The following MAPKAP1 variants were observed in gnomAD, a reference collection of about 807,000 sequenced individuals.
The protein encoded by MAPKAP1 is MAPK associated protein 1, also known as target of rapamycin complex 2 subunit MAPKAP1.
A neutral mutation model predicts 65.7 loss-of-function variants in MAPKAP1; 20 were observed. The ratio of observed to expected loss-of-function variants is 0.30; its 90% CI spans 0.21 to 0.44. The LOEUF (loss-of-function observed/expected upper bound fraction) is 0.44. Ranked by LOEUF, MAPKAP1 falls within the 20% of genes least tolerant of loss-of-function variation. MAPKAP1 has a pLI of 1.00. For missense variants in MAPKAP1, 423 were observed against 648.0 expected (o/e 0.65, Z 3.77); for synonymous variants, 222 against 244.3 (o/e 0.91, Z 0.85).
chr9:125,468,924 T>C (rs754495340), intron 9 of MAPKAP1, among the ~76,000 whole-genome samples: 2 of 152,190 alleles, frequency 1.3e-5, no homozygotes, highest in African/African-American at 2.4e-5. Flanking sequence ...ATGCCAGGTA[T>C]GGGAGGGGCC....
intron 3 of MAPKAP1, among the ~76,000 whole-genome samples, chr9:125,664,597 T>G (rs1161101077): frequency 6.7e-6 from 1 of 149,326 alleles, no homozygotes; most frequent in Admixed American, 6.7e-5. Context: ...TGGTGGCAGA[T>G]GCCTGTAATC....
chr9:125,652,474 T>C (rs1351198807), intron 4 of MAPKAP1, among the ~76,000 whole-genome samples: 4 of 152,174 alleles, frequency 2.6e-5, no homozygotes, highest in Non-Finnish European at 4.4e-5. Context: ...GCCAAGCAAT[T>C]AGCACTCATG....
intron 1 of MAPKAP1, among the ~76,000 whole-genome samples, chr9:125,688,439 G>C (rs1359487576): frequency 6.6e-6 from 1 of 152,154 alleles, no homozygotes; most frequent in Non-Finnish European, 1.5e-5. Flanking sequence ...TGCCCAGCTA[G>C]ACTATCTCAT....
At chr9:125,695,018 T>G (rs1390814363) in intron 1 of MAPKAP1, among the ~76,000 whole-genome samples, 1 of 152,246 alleles carries the variant, frequency 6.6e-6, no homozygotes, top group East Asian at 1.9e-4. Context: ...GTATTTTGAA[T>G]TTTTTATACC....
At chr9:125,698,292 T>A (rs1406543581) in intron 1 of MAPKAP1, among the ~76,000 whole-genome samples, 45 of 3,960 alleles carry the variant, frequency 0.011, no homozygotes, top group Admixed American at 0.024. Flanking sequence ...TATATAAATA[T>A]ATATATATAT....
At chr9:125,483,200 A>G (rs946439692) in intron 9 of MAPKAP1, among the ~76,000 whole-genome samples, 2 of 152,138 alleles carry the variant, frequency 1.3e-5, no homozygotes, top group Non-Finnish European at 2.9e-5. Flanking sequence ...CATTGGTACT[A>G]CTGATATTCC....
chr9:125,643,082 T>A (rs1227912045), intron 4 of MAPKAP1, among the ~76,000 whole-genome samples: 1 of 151,906 alleles, frequency 6.6e-6, no homozygotes, highest in Non-Finnish European at 1.5e-5. Context: ...GTATTTTTAG[T>A]AGAGACGGGG....
chr9:125,666,974 T>C (rs1197248463), intron 3 of MAPKAP1, among the ~76,000 whole-genome samples: 2 of 152,134 alleles, frequency 1.3e-5, no homozygotes, highest in African/African-American at 4.8e-5. Context: ...AGTTCAAGCA[T>C]GAACATACAC....
Position 125,614,357 on chromosome 9 carries a change from C to T in MAPKAP1, c.499-28630G>A, listed in dbSNP as rs562804617. ...ATCATATTAAAGCTAGGCGTGATGG[C>T]TCATACTTGTAATCCCAGCACTTTG... is the stretch of plus-strand genomic sequence containing the variant. On this transcript the variant is annotated intron_variant, in intron 4 of 11. Transcript: ENST00000265960. Among the ~76,000 whole-genome samples, 465 of 152,278 alleles carry T rather than the reference C, an allele frequency of 3.1e-3. 2 individuals carry two copies. The highest frequency in any genetic ancestry group is 4.4e-3 in the African/African-American group (182 of 41,566).
intron 4 of MAPKAP1, among the ~76,000 whole-genome samples, chr9:125,634,879 T>G (rs901727654): frequency 6.6e-6 from 1 of 152,092 alleles, no homozygotes; most frequent in Non-Finnish European, 1.5e-5. Flanking sequence ...TTTTTTCAGG[T>G]GAAGACTCTC....
At chr9:125,542,021 T>C (rs891789625) in intron 7 of MAPKAP1, among the ~76,000 whole-genome samples, 6 of 152,198 alleles carry the variant, frequency 3.9e-5, no homozygotes, top group African/African-American at 1.4e-4. Context: ...TTGCAGACGC[T>C]AGCAGGTCTC....
intron 1 of MAPKAP1, among the ~76,000 whole-genome samples, chr9:125,692,551 T>C (rs1272089413): frequency 6.6e-6 from 1 of 152,208 alleles, no homozygotes; most frequent in Non-Finnish European, 1.5e-5. Context: ...GTGACAAAAA[T>C]GTTCTGGAAT....
chr9:125,612,983 C>T (rs1267911334), intron 4 of MAPKAP1, among the ~76,000 whole-genome samples: 1 of 152,208 alleles, frequency 6.6e-6, no homozygotes, highest in Admixed American at 6.5e-5. Flanking sequence ...TAAACAGAGG[C>T]TTGGGCCCTC....
In MAPKAP1 at chr9:125,688,035, G is replaced by C. The variant is rs145027267; in HGVS notation, c.-69-15392C>G. Among the ~76,000 whole-genome samples the C allele has an allele frequency of 3.5e-3, 540 of 152,262 alleles. 3 individuals are homozygous for C. Among genetic ancestry groups the C allele is most frequent in the African/African-American group, 0.012 (512 of 41,544 alleles). The stretch of plus-strand genomic sequence containing the variant: ...TGCTTTGTATTTTCACTTGAATAGA[G>C]CTTTCATAATCTCAATAAATGATAA... On this transcript the variant is annotated intron_variant, in intron 1 of 11. Transcript: ENST00000265960.
intron 1 of MAPKAP1, among the ~76,000 whole-genome samples, chr9:125,688,250 T>C (rs1357978411): frequency 6.6e-6 from 1 of 152,154 alleles, no homozygotes; most frequent in African/African-American, 2.4e-5. Flanking sequence ...GCGATTCTCC[T>C]ACCTCAGCCT....
chr9:125,576,754 C>T (rs1443752406), intron 5 of MAPKAP1, among the ~76,000 whole-genome samples: 2 of 152,250 alleles, frequency 1.3e-5, no homozygotes, highest in African/African-American at 2.4e-5. Context: ...CTCCTAACCG[C>T]GAGTGATCCG....
At chr9:125,543,207 CA>C in intron 6 of MAPKAP1, 39 bp from the exon 7 acceptor site, 1 of 1,387,530 alleles carries the variant, frequency 7.2e-7, no homozygotes. Context: ...CACCAACATT[CA>C]TCCAGAGAGA....
chr9:125,541,949 C>A, intron 7 of MAPKAP1, among the ~76,000 whole-genome samples: 1 of 152,248 alleles, frequency 6.6e-6, no homozygotes, highest in East Asian at 1.9e-4. Flanking sequence ...GCAGTTGGCA[C>A]ATCTGGACGG....
chr9:125,622,631 AG>A (rs2131659581), intron 4 of MAPKAP1, among the ~76,000 whole-genome samples: 1 of 152,070 alleles, frequency 6.6e-6, no homozygotes, highest in African/African-American at 2.4e-5. Flanking sequence ...TTTTTAGTAG[AG>A]AAAGGGTTTC....
Sources: gnomAD v4.1 joint callset for allele counts (sites outside exome capture counted in the v4.1 genomes callset) on GRCh38, gnomAD v4.1.1 for gene constraint, MANE v1.5 for transcripts, NCBI Gene and HGNC (gene_info 2026-07-23, HGNC 2026-07-21) for gene names.